Variants in TBC1D32 observed in about 807,000 individuals in gnomAD.
TBC1D32 encodes the protein TBC1 domain family member 32, also known as protein broad-minded.
Under a neutral mutation model 170.3 loss-of-function variants are expected in TBC1D32, and 151 were observed. That is an observed-to-expected ratio of 0.89 (90% CI 0.78 to 1.01). The LOEUF (loss-of-function observed/expected upper bound fraction) is 1.01. TBC1D32 is among the 50% of genes least tolerant of loss of function. The pLI, the probability that TBC1D32 is intolerant of heterozygous loss-of-function variation, is 0.00. For missense variants in TBC1D32, 1,464 were observed against 1,457.1 expected (o/e 1.00, Z -0.08); for synonymous variants, 498 against 488.0 (o/e 1.02, Z -0.27).
intron 30 of TBC1D32, among the ~76,000 whole-genome samples, chr6:121,092,654 CCTCT>C (rs1171549225): frequency 1.3e-5 from 2 of 152,086 alleles, no homozygotes; most frequent in Middle Eastern, 3.4e-3. Context: ...TCTTCTGAAG[CCTCT>C]CTGAGGCTTA....
chr6:121,269,729 C>T (rs997228563), intron 15 of TBC1D32, among the ~76,000 whole-genome samples: 1 of 152,052 alleles, frequency 6.6e-6, no homozygotes, highest in Non-Finnish European at 1.5e-5. Flanking sequence ...CAAGGATATC[C>T]AGGAATTGAA....
At chr6:121,255,227 C>T in intron 17 of TBC1D32, 101 bp downstream of exon 17, 1 of 609,614 alleles carries the variant, frequency 1.6e-6, no homozygotes, top group Admixed American at 3.6e-5. Flanking sequence ...CATTTACCAT[C>T]CTGTAAAACA....
At chr6:121,242,809 A>T (rs1797157666) in intron 17 of TBC1D32, among the ~76,000 whole-genome samples, 1 of 152,022 alleles carries the variant, frequency 6.6e-6, no homozygotes, top group African/African-American at 2.4e-5. Context: ...TTTTGGGGAA[A>T]GATATTTTTT....
chr6:121,278,287 A>C (rs1376632117), intron 15 of TBC1D32, among the ~76,000 whole-genome samples: 1 of 152,132 alleles, frequency 6.6e-6, no homozygotes, highest in Non-Finnish European at 1.5e-5. Context: ...AAACCAGCCA[A>C]AGATTACATA....
At chr6:121,185,257 G>A (rs551489909) in intron 22 of TBC1D32, among the ~76,000 whole-genome samples, 6 of 152,040 alleles carry the variant, frequency 3.9e-5, no homozygotes, top group African/African-American at 7.2e-5. Flanking sequence ...TTTAGTAACC[G>A]TTTTTCTTCT....
intron 12 of TBC1D32, among the ~76,000 whole-genome samples, chr6:121,291,086 A>T (rs146391797): frequency 0.024 from 3,597 of 152,136 alleles, 158 homozygotes; most frequent in East Asian, 0.12. Context: ...CCAACATGGC[A>T]CATGTATACA....
chr6:121,141,927 A>G (rs527709511), intron 24 of TBC1D32, among the ~76,000 whole-genome samples: 8 of 152,352 alleles, frequency 5.3e-5, no homozygotes, highest in Admixed American at 3.9e-4. Context: ...CAAAAAGCAA[A>G]TAACAAGGGA....
intron 25 of TBC1D32, chr6:121,129,949 C>T (rs1273728): frequency 0.24 from 103,825 of 440,912 alleles, 18,137 homozygotes; most frequent in African/African-American, 0.57. Flanking sequence ...AAGGGGACAA[C>T]AGGATTAAAT....
intron 24 of TBC1D32, among the ~76,000 whole-genome samples, chr6:121,139,093 G>A (rs373462776): frequency 2.0e-5 from 3 of 152,018 alleles, no homozygotes; most frequent in South Asian, 4.1e-4. Flanking sequence ...TGGTCCGCCC[G>A]CCTCGGCCTC....
At chr6:121,276,673 A>T (rs1238291250) in intron 15 of TBC1D32, among the ~76,000 whole-genome samples, 1 of 152,200 alleles carries the variant, frequency 6.6e-6, no homozygotes, top group Non-Finnish European at 1.5e-5. Flanking sequence ...CACTTTAAAC[A>T]TAAAGACGAA....
At chr6:121,113,292 A>ATG (rs1562522338) in intron 27 of TBC1D32, 115 bp from the exon 28 acceptor site, 16 of 591,428 alleles carry the variant, frequency 2.7e-5, no homozygotes, top group Admixed American at 6.2e-5. Context: ...ATTAGCTCTC[A>ATG]ATACATGTTT....
At chr6:121,286,580 A>G (rs1044404146) in intron 12 of TBC1D32, among the ~76,000 whole-genome samples, 7 of 152,194 alleles carry the variant, frequency 4.6e-5, no homozygotes, top group South Asian at 4.1e-4. Context: ...AACACTCTAC[A>G]GGATATTATC....
chr6:121,113,200 A>T, intron 27 of TBC1D32, 23 bp from the exon 28 acceptor site: 2 of 1,480,226 alleles, frequency 1.4e-6, no homozygotes, highest in Non-Finnish European at 1.9e-6. Context: ...CCCACAAAAC[A>T]TAAAACATAT....
At chr6:121,139,887 T>C (rs965511791) in intron 24 of TBC1D32, 40 of 152,140 alleles carry the variant, frequency 2.6e-4, no homozygotes, top group African/African-American at 9.2e-4. Context: ...CCAAAATGCA[T>C]TGCAACAATT....
intron 22 of TBC1D32, among the ~76,000 whole-genome samples, chr6:121,196,460 T>C (rs1790749815): frequency 1.3e-5 from 2 of 152,208 alleles, no homozygotes; most frequent in African/African-American, 4.8e-5. Context: ...GGGCAGAGGT[T>C]TGTCCTCACT....
intron 20 of TBC1D32, among the ~76,000 whole-genome samples, chr6:121,230,806 T>C (rs1235820168): frequency 1.3e-5 from 2 of 151,990 alleles, no homozygotes; most frequent in African/African-American, 2.4e-5. Flanking sequence ...TTTATTTCAA[T>C]AGGTTTTTGG....
chr6:121,311,273 C>T (rs1808155161), intron 3 of TBC1D32, among the ~76,000 whole-genome samples: 1 of 152,128 alleles, frequency 6.6e-6, no homozygotes, highest in Non-Finnish European at 1.5e-5. Flanking sequence ...TTTCCTTAGC[C>T]TTTCTCCATA....
chr6:121,154,102 G>C (rs1784557917), intron 24 of TBC1D32, among the ~76,000 whole-genome samples: 1 of 150,146 alleles, frequency 6.7e-6, no homozygotes, highest in Non-Finnish European at 1.5e-5. Flanking sequence ...GCACAGTTTT[G>C]TGCTTGAAAC....
At chr6:121,272,998 C>T (rs541664092) in intron 15 of TBC1D32, among the ~76,000 whole-genome samples, 91 of 152,016 alleles carry the variant, frequency 6.0e-4, no homozygotes, top group African/African-American at 2.1e-3. Context: ...TCTGAGCAAA[C>T]TATCACAAGG....
Sources: gnomAD v4.1 joint callset for allele counts (sites outside exome capture counted in the v4.1 genomes callset) on GRCh38, gnomAD v4.1.1 for gene constraint, MANE v1.5 for transcripts, NCBI Gene and HGNC (gene_info 2026-07-23, HGNC 2026-07-21) for gene names.